Variants in CSMD3 observed in about 807,000 individuals in gnomAD.
CSMD3 encodes the protein CUB and Sushi multiple domains 3.
A neutral mutation model predicts 435.2 loss-of-function variants in CSMD3; 177 were observed. That is an observed-to-expected ratio of 0.41 (90% CI 0.36 to 0.46). The LOEUF (loss-of-function observed/expected upper bound fraction) is 0.46. Among genes scored for constraint, CSMD3 ranks in the 20% least tolerant of loss-of-function variants. The pLI, the probability that CSMD3 is intolerant of heterozygous loss-of-function variation, is 0.34. For missense variants in CSMD3, 4,265 were observed against 4,504.6 expected, an observed-to-expected ratio of 0.95 and a Z score of 1.52; for synonymous variants, 1,656 against 1,520.5, an observed-to-expected ratio of 1.09 and a Z score of -2.07.
chr8:113,256,886 G>A (rs1220458200), intron 3 of CSMD3, among the ~76,000 whole-genome samples: 1 of 152,158 alleles, frequency 6.6e-6, no homozygotes, highest in Non-Finnish European at 1.5e-5. Flanking sequence ...ACGTAGAAAT[G>A]CAGGCTCCTG....
intron 13 of CSMD3, among the ~76,000 whole-genome samples, chr8:112,707,265 C>A (rs909381040): frequency 1.3e-5 from 2 of 151,766 alleles, no homozygotes; most frequent in African/African-American, 4.8e-5. Flanking sequence ...GAAGGATAAA[C>A]CACTCTTACT....
At chr8:112,494,474 TTTC>T (rs1405152167) in intron 30 of CSMD3, among the ~76,000 whole-genome samples, 1 of 108,106 alleles carries the variant, frequency 9.3e-6, no homozygotes, top group African/African-American at 2.7e-5. Flanking sequence ...TTCTCTTTCT[TTTC>T]TTTTGTTTCT....
At chr8:113,390,278 G>A (rs2094456120) in intron 1 of CSMD3, among the ~76,000 whole-genome samples, 1 of 151,604 alleles carries the variant, frequency 6.6e-6, no homozygotes, top group Non-Finnish European at 1.5e-5. Flanking sequence ...ACTGTCCCCA[G>A]CCTGTACACC....
chr8:112,649,355 A>G (rs1247093187), intron 19 of CSMD3, among the ~76,000 whole-genome samples: 1 of 152,262 alleles, frequency 6.6e-6, no homozygotes, highest in African/African-American at 2.4e-5. Flanking sequence ...AAAACAAATT[A>G]GCTTAAAACT....
intron 4 of CSMD3, among the ~76,000 whole-genome samples, chr8:113,158,059 A>G (rs1002557982): frequency 6.6e-6 from 1 of 152,052 alleles, no homozygotes; most frequent in African/African-American, 2.4e-5. Flanking sequence ...CACAGAAAGT[A>G]TTTGTTCAAA....
chr8:113,389,884 T>G (rs944810030), intron 1 of CSMD3, among the ~76,000 whole-genome samples: 10 of 151,818 alleles, frequency 6.6e-5, no homozygotes, highest in African/African-American at 2.2e-4. Context: ...TTAAGGATTC[T>G]TATGAATATT....
intron 13 of CSMD3, among the ~76,000 whole-genome samples, chr8:112,722,315 G>A (rs1261955177): frequency 6.6e-6 from 1 of 151,994 alleles, no homozygotes; most frequent in Non-Finnish European, 1.5e-5. Context: ...GGCTATACCA[G>A]ACCTTTTTGG....
intron 38 of CSMD3, among the ~76,000 whole-genome samples, chr8:112,374,177 C>G (rs1239199836): frequency 5.3e-5 from 8 of 150,142 alleles, no homozygotes; most frequent in African/African-American, 1.9e-4. Flanking sequence ...ACTGATTAGA[C>G]AGTAGATTTG....
At chr8:113,233,197 T>C (rs1318818945) in intron 3 of CSMD3, among the ~76,000 whole-genome samples, 1 of 151,688 alleles carries the variant, frequency 6.6e-6, no homozygotes, top group Admixed American at 6.6e-5. Flanking sequence ...TAACTCATAT[T>C]CAATTGAACT....
intron 2 of CSMD3, among the ~76,000 whole-genome samples, chr8:113,303,447 T>A (rs2093790850): frequency 6.6e-6 from 1 of 151,936 alleles, no homozygotes; most frequent in African/African-American, 2.4e-5. Flanking sequence ...AGAGCCCGCA[T>A]CACCAAGTCA....
chr8:113,024,820 C>T (rs1371109209), intron 5 of CSMD3, among the ~76,000 whole-genome samples: 1 of 152,102 alleles, frequency 6.6e-6, no homozygotes, highest in Non-Finnish European at 1.5e-5. Flanking sequence ...TTAGTGTATC[C>T]ATCACTGGAG....
chr8:113,020,537 A>G (rs1471288109), intron 5 of CSMD3, among the ~76,000 whole-genome samples: 1 of 152,202 alleles, frequency 6.6e-6, no homozygotes, highest in Non-Finnish European at 1.5e-5. Context: ...AAGCCAAAGT[A>G]AAAGAGTCTC....
intron 23 of CSMD3, among the ~76,000 whole-genome samples, chr8:112,584,991 T>C (rs1456403806): frequency 6.6e-6 from 1 of 151,634 alleles, no homozygotes; most frequent in African/African-American, 2.4e-5. Flanking sequence ...TGCTTGTATA[T>C]AACTAAATGT....
intron 13 of CSMD3, among the ~76,000 whole-genome samples, chr8:112,783,663 TA>T (rs1276038444): frequency 1.3e-5 from 2 of 152,038 alleles, no homozygotes; most frequent in African/African-American, 4.8e-5. Context: ...AATGGATTTT[TA>T]AAAAGTCCTA....
intron 31 of CSMD3, among the ~76,000 whole-genome samples, chr8:112,483,304 A>G (rs999628966): frequency 6.6e-6 from 1 of 152,110 alleles, no homozygotes; most frequent in Non-Finnish European, 1.5e-5. Context: ...CAGACTGGCC[A>G]ACATGGCAGA....
At position 112,608,720 on chromosome 8, in the gene CSMD3, G is replaced by A. The variant is rs551305392; in HGVS notation, c.3716-21485C>T. Among the ~76,000 whole-genome samples the A allele has an allele frequency of 1.3e-4, 19 of 151,608 alleles. 1 individual carries two copies. In the South Asian group the frequency reaches 3.1e-3, roughly 25 times the overall value. On this transcript the variant is annotated intron_variant, in intron 22 of 70. Transcript: ENST00000297405. The stretch of plus-strand genomic sequence containing the variant: ...AGGTATATATGGTCAATTAATCTTC[G>A]GCAAAGGCTCTAAGAATATATGAAG...
intron 13 of CSMD3, among the ~76,000 whole-genome samples, chr8:112,719,070 C>T (rs901217182): frequency 5.9e-5 from 9 of 152,056 alleles, no homozygotes; most frequent in African/African-American, 2.2e-4. Flanking sequence ...TCAAAAACCA[C>T]ATTTGTTATA....
rs183176318 is a variant in CSMD3, at chr8:112,250,881, A to G, written c.10110+3372T>C. Reference sequence around the variant, plus strand: ...TATAAATGCATTATAGAATTTTAAGACATGTTTAATCAGTAAACATCACTT... The same window carrying G: ...TATAAATGCATTATAGAATTTTAAGGCATGTTTAATCAGTAAACATCACTT... On this transcript the variant is annotated intron_variant, in intron 63 of 70. Transcript: ENST00000297405. Among the ~76,000 whole-genome samples the G allele has an allele frequency of 2.6e-5, 4 of 151,962 alleles. No homozygotes were observed. In the East Asian group the frequency reaches 7.7e-4, roughly 29 times the overall value.
intron 12 of CSMD3, among the ~76,000 whole-genome samples, chr8:112,813,133 C>T (rs556116085): frequency 1.3e-5 from 2 of 152,240 alleles, no homozygotes; most frequent in South Asian, 4.2e-4. Context: ...CGGCTGACCA[C>T]AGTGAGTGAT....
Sources: allele counts gnomAD v4.1 joint callset (sites outside exome capture counted in the v4.1 genomes callset), GRCh38; gene constraint gnomAD v4.1.1; transcripts MANE v1.5; gene names NCBI Gene and HGNC (gene_info 2026-07-23, HGNC 2026-07-21).